Variants in CNTNAP2 observed in about 807,000 individuals in gnomAD.
CNTNAP2 encodes the protein contactin associated protein 2.
CNTNAP2 carries 98 observed loss-of-function variants against 155.2 expected under a neutral mutation model. The observed-to-expected ratio is 0.63, with a 90% CI of 0.54 to 0.75. The LOEUF (loss-of-function observed/expected upper bound fraction) is 0.75, where lower values mean the gene tolerates loss of function less well. CNTNAP2 is among the 30% of genes least tolerant of loss of function. The pLI is 0.00. For missense variants in CNTNAP2, 1,727 were observed against 1,688.1 expected (o/e 1.02, Z -0.40); for synonymous variants, 651 against 631.2 (o/e 1.03, Z -0.47).
chr7:146,318,431 A>G (rs968489273), intron 1 of CNTNAP2, among the ~76,000 whole-genome samples: 5 of 152,156 alleles, frequency 3.3e-5, no homozygotes, highest in Admixed American at 2.6e-4. Context: ...GCAAAATAAG[A>G]CAAAATATAC....
intron 13 of CNTNAP2, among the ~76,000 whole-genome samples, chr7:147,873,034 G>C (rs1187185175): frequency 6.6e-6 from 1 of 152,104 alleles, no homozygotes; most frequent in Non-Finnish European, 1.5e-5. Flanking sequence ...ATTTGAGTTT[G>C]GCATTAGGTC....
At chr7:148,233,510 G>A (rs1423599150) in intron 20 of CNTNAP2, among the ~76,000 whole-genome samples, 2 of 152,174 alleles carry the variant, frequency 1.3e-5, no homozygotes, top group African/African-American at 4.8e-5. Context: ...AACTAAGCCA[G>A]TTCCTCTTGA....
intron 3 of CNTNAP2, among the ~76,000 whole-genome samples, chr7:147,003,106 G>A (rs562473943): frequency 4.7e-4 from 72 of 152,076 alleles, no homozygotes; most frequent in Non-Finnish European, 8.8e-4. Flanking sequence ...AATGAATAAG[G>A]AAGATATTAG....
chr7:146,435,453 G>T (rs1221247535), intron 1 of CNTNAP2, among the ~76,000 whole-genome samples: 1 of 152,156 alleles, frequency 6.6e-6, no homozygotes, highest in Admixed American at 6.5e-5. Flanking sequence ...GTGTGCCTTT[G>T]TAAGCGTAGA....
At chr7:147,660,566 C>T (rs887844883) in intron 13 of CNTNAP2, among the ~76,000 whole-genome samples, 2 of 152,170 alleles carry the variant, frequency 1.3e-5, no homozygotes, top group African/African-American at 4.8e-5. Flanking sequence ...GACATCACCT[C>T]GTGCGTATGG....
intron 1 of CNTNAP2, among the ~76,000 whole-genome samples, chr7:146,144,146 T>C (rs549056701): frequency 1.1e-3 from 173 of 152,116 alleles, no homozygotes; most frequent in African/African-American, 4.1e-3. Flanking sequence ...AAAATATTTA[T>C]TTATTTATTT....
At position 147,924,290 on chromosome 7, in the gene CNTNAP2, C is replaced by T. The variant is rs570569024; in HGVS notation, c.2255+20569C>T. ...AGTAGCTGGGATTACAGGCATGTAC[C>T]ACAATGCCCGGCTAATTTTTGTATT... On this transcript the variant is annotated intron_variant, in intron 14 of 23. Transcript: ENST00000361727. 7.2e-5 allele frequency among the ~76,000 whole-genome samples: 11 copies of T among 152,058 alleles called. No homozygotes were observed. The East Asian group carries it at 1.9e-3, about 27-fold the overall frequency.
chr7:147,812,024 G>A (rs956637649), intron 13 of CNTNAP2, among the ~76,000 whole-genome samples: 1 of 152,194 alleles, frequency 6.6e-6, no homozygotes, highest in African/African-American at 2.4e-5. Flanking sequence ...TGTTAGGGGC[G>A]AAGGAGCCTG....
chr7:147,076,820 A>G (rs1195171316), intron 4 of CNTNAP2, among the ~76,000 whole-genome samples: 2 of 152,210 alleles, frequency 1.3e-5, no homozygotes, highest in Non-Finnish European at 2.9e-5. Flanking sequence ...ATCAAAAAGA[A>G]TGCAAGATTT....
intron 4 of CNTNAP2, among the ~76,000 whole-genome samples, chr7:147,099,335 G>C (rs894482180): frequency 6.6e-6 from 1 of 152,092 alleles, no homozygotes; most frequent in Non-Finnish European, 1.5e-5. Context: ...ACTCTGGGAA[G>C]ACCAGTCCCT....
intron 20 of CNTNAP2, among the ~76,000 whole-genome samples, chr7:148,233,161 T>A (rs1277784512): frequency 6.6e-6 from 1 of 152,232 alleles, no homozygotes; most frequent in African/African-American, 2.4e-5. Flanking sequence ...AAAAATTATG[T>A]CAATTAGCAT....
chr7:147,566,181 A>G (rs948764703), intron 12 of CNTNAP2, among the ~76,000 whole-genome samples: 1 of 150,520 alleles, frequency 6.6e-6, no homozygotes, highest in Non-Finnish European at 1.5e-5. Flanking sequence ...CTGTGGTCCC[A>G]GCTACTTAGG....
chr7:147,822,907 A>G (rs1377200961), intron 13 of CNTNAP2, among the ~76,000 whole-genome samples: 2 of 152,140 alleles, frequency 1.3e-5, no homozygotes, highest in South Asian at 2.1e-4. Context: ...CTTATTTGCT[A>G]TTTGTCAACT....
intron 1 of CNTNAP2, among the ~76,000 whole-genome samples, chr7:146,199,996 G>T (rs935718313): frequency 6.6e-6 from 1 of 152,152 alleles, no homozygotes; most frequent in African/African-American, 2.4e-5. Flanking sequence ...AATGAAGTCC[G>T]AAAATTAGTT....
rs529362121 is a variant in CNTNAP2 at position 146,474,210 on chromosome 7, A to AT, written c.98-300052dup. Among the ~76,000 whole-genome samples the AT allele has an allele frequency of 4.0e-3, 594 of 150,120 alleles. 4 individuals carry two copies. Among genetic ancestry groups the AT allele is most frequent in the African/African-American group, 0.013 (543 of 41,098 alleles). ...ATTATTTCAGTTTCAAAGTGCATTT[A>AT]TTTTTTTTTATTTTATTAACCTACT... is the stretch of plus-strand genomic sequence containing the variant. On this transcript the variant is annotated intron_variant, in intron 1 of 23. Coordinates refer to ENST00000361727, the MANE Select transcript of CNTNAP2 (RefSeq NM_014141.6).
At chr7:146,355,587 A>T (rs1250428227) in intron 1 of CNTNAP2, among the ~76,000 whole-genome samples, 1 of 152,188 alleles carries the variant, frequency 6.6e-6, no homozygotes, top group East Asian at 1.9e-4. Context: ...GCTCATGCAG[A>T]TGATGGTTAG....
intron 1 of CNTNAP2, among the ~76,000 whole-genome samples, chr7:146,720,522 G>A (rs1312531825): frequency 6.6e-6 from 1 of 152,014 alleles, no homozygotes; most frequent in Non-Finnish European, 1.5e-5. Context: ...CTGTATATAA[G>A]GTTAAAGCTG....
chr7:146,214,421 A>G (rs1338749665), intron 1 of CNTNAP2, among the ~76,000 whole-genome samples: 1 of 152,184 alleles, frequency 6.6e-6, no homozygotes, highest in Non-Finnish European at 1.5e-5. Context: ...TGGCTTTGTT[A>G]TTTCCAGAAG....
intron 2 of CNTNAP2, among the ~76,000 whole-genome samples, chr7:146,798,290 A>G (rs1802807466): frequency 1.3e-5 from 2 of 152,076 alleles, no homozygotes; most frequent in South Asian, 2.1e-4. Context: ...AAAAAAAAAA[A>G]AGACTTTTTT....
Sources: gnomAD v4.1 joint callset for allele counts (sites outside exome capture counted in the v4.1 genomes callset) on GRCh38, gnomAD v4.1.1 for gene constraint, MANE v1.5 for transcripts, NCBI Gene and HGNC (gene_info 2026-07-23, HGNC 2026-07-21) for gene names.